CCDC6: variants seen among roughly 807,000 people sequenced by gnomAD.
CCDC6 encodes the protein coiled-coil domain-containing protein 6.
CCDC6 carries 20 observed loss-of-function variants against 56.6 expected under a neutral mutation model. The observed-to-expected ratio is 0.35, with a 90% CI of 0.25 to 0.51. The LOEUF is 0.51. Ranked by LOEUF, CCDC6 falls within the 20% of genes least tolerant of loss-of-function variation. CCDC6 has a pLI of 0.95. For synonymous variants in CCDC6, 241 were observed against 234.4 expected (o/e 1.03, Z -0.26); for missense variants, 367 against 601.1 (o/e 0.61, Z 4.07).
chr10:59,813,549 A>T (rs989225806), intron 4 of CCDC6, among the ~76,000 whole-genome samples: 5 of 152,284 alleles, frequency 3.3e-5, no homozygotes, highest in African/African-American at 9.6e-5. Context: ...TTGGCAGCAG[A>T]TCTCTAAATC....
intron 1 of CCDC6, among the ~76,000 whole-genome samples, chr10:59,853,024 A>G (rs1253844738): frequency 6.6e-6 from 1 of 151,944 alleles, no homozygotes; most frequent in Non-Finnish European, 1.5e-5. Flanking sequence ...CAGAATACAG[A>G]AAGATCCTTC....
At chr10:59,905,438 C>A (rs1433317548) in intron 1 of CCDC6, among the ~76,000 whole-genome samples, 14 of 152,188 alleles carry the variant, frequency 9.2e-5, no homozygotes, top group African/African-American at 3.1e-4. Context: ...CTGGTTTCGG[C>A]CCCAGCCCTG....
chr10:59,848,028 C>A (rs571303052), intron 2 of CCDC6, among the ~76,000 whole-genome samples: 15 of 152,152 alleles, frequency 9.9e-5, no homozygotes, highest in Admixed American at 9.2e-4. Context: ...ATGTGCACAA[C>A]ATGTTAACTA....
intron 7 of CCDC6, among the ~76,000 whole-genome samples, chr10:59,795,696 A>C (rs982650791): frequency 7.3e-6 from 1 of 137,294 alleles, no homozygotes; most frequent in Non-Finnish European, 1.5e-5. Context: ...CTCATTGTTC[A>C]ATTCCCACCT....
intron 3 of CCDC6, among the ~76,000 whole-genome samples, chr10:59,821,803 A>G (rs1250628243): frequency 6.6e-6 from 1 of 152,208 alleles, no homozygotes; most frequent in African/African-American, 2.4e-5. Context: ...AAAAAATCAG[A>G]AAGAACTATA....
intron 7 of CCDC6, among the ~76,000 whole-genome samples, chr10:59,803,154 G>A (rs567125454): frequency 2.7e-4 from 41 of 152,172 alleles, no homozygotes; most frequent in African/African-American, 9.6e-4. Context: ...ACATCTTTTT[G>A]GCAAGAACAA....
chr10:59,806,924 T>C lies in CCDC6; in HGVS notation c.1002A>G (p.Glu334=). 1 of 1,613,630 alleles carries C rather than the reference T, an allele frequency of 6.2e-7. No homozygotes were observed. The highest frequency in any genetic ancestry group is 1.1e-5 in the South Asian group (1 of 91,040). Residue 334 remains glutamate, a splice_region_variant and synonymous_variant, in exon 6 of 9, where the codon GAA becomes GAG. Coordinates refer to ENST00000263102, the MANE Select transcript of CCDC6 (RefSeq NM_005436.5). ...AGGCTCATAAGACATGCACACACCT[T>C]TCGTCGTCCATTTCTAAGCTGGACT... ...ESESSLEMDD[E]RYFNEMSAQG...
chr10:59,790,526 C>A lies in CCDC6; in HGVS notation c.*2391G>T. 1 of 220,376 alleles carries A rather than the reference C, an allele frequency of 4.5e-6. No homozygotes were observed. The highest frequency in any genetic ancestry group is 6.7e-5 in the East Asian group (1 of 14,910). 13.7% of individuals were successfully genotyped at this position (220,376 alleles called of 1,614,324 possible). On this transcript the variant is annotated 3_prime_UTR_variant, in exon 9 of 9. Coordinates refer to ENST00000263102, the MANE Select transcript of CCDC6 (RefSeq NM_005436.5). ...AAGAAATTGTCCTAGCAGGTACTAC[C>A]CAAGTGTTACAGGCTCTGCATAGGT...
chr10:59,857,675 A>T (rs2071091125), intron 1 of CCDC6, among the ~76,000 whole-genome samples: 1 of 148,180 alleles, frequency 6.7e-6, no homozygotes, highest in Admixed American at 6.8e-5. Context: ...ATTTGCACAG[A>T]TTTTTTTTTT....
chr10:59,850,558 A>G (rs2071029900), intron 2 of CCDC6, among the ~76,000 whole-genome samples: 1 of 152,182 alleles, frequency 6.6e-6, no homozygotes, highest in African/African-American at 2.4e-5. Context: ...AACATAAGAC[A>G]TGCCCGCGTG....
chr10:59,801,280 G>A (rs1010334944), intron 7 of CCDC6, among the ~76,000 whole-genome samples: 1 of 152,100 alleles, frequency 6.6e-6, no homozygotes, highest in African/African-American at 2.4e-5. Flanking sequence ...CATCTTCCTT[G>A]TTAAAATTCA....
At chr10:59,887,805 CA>C (rs2071393805) in intron 1 of CCDC6, among the ~76,000 whole-genome samples, 1 of 152,076 alleles carries the variant, frequency 6.6e-6, no homozygotes, top group Non-Finnish European at 1.5e-5. Context: ...GCTGAACTAT[CA>C]GACCCTTTTT....
rs543013978 is a variant in CCDC6 at position 59,881,752 on chromosome 10, G to A, written c.303+24370C>T. ...CAGTTTTTGTTGCCCCAAAACTGAG[G>A]AGCTCTACTTGGTATTAAGACCAAA... On this transcript the variant is annotated intron_variant, in intron 1 of 8. Transcript: ENST00000263102. Among the ~76,000 whole-genome samples, 4 of 152,310 alleles carry A rather than the reference G, an allele frequency of 2.6e-5. No homozygotes were observed. The South Asian group carries it at 8.3e-4, about 32-fold the overall frequency.
chr10:59,803,069 T>C (rs902960907), intron 7 of CCDC6, among the ~76,000 whole-genome samples: 9 of 152,190 alleles, frequency 5.9e-5, no homozygotes, highest in East Asian at 3.9e-4. Context: ...TTTGGGAAAA[T>C]TGAGAGGCAG....
chr10:59,858,837 C>T (rs996143793), intron 1 of CCDC6, among the ~76,000 whole-genome samples: 3 of 152,160 alleles, frequency 2.0e-5, no homozygotes, highest in Non-Finnish European at 4.4e-5. Flanking sequence ...TTCTTATGGG[C>T]AAGGGACACA....
Position 59,906,483 on chromosome 10 carries a change from C to G in CCDC6, c.-59G>C. On this transcript the variant is annotated 5_prime_UTR_variant, in exon 1 of 9. Transcript: ENST00000263102. Reference sequence around the variant, plus strand: ...GCAGGGAGGCGGCGGCGACGAAGGCCGGGCTGCGAATGAGTGGGCGCCGGG... The same window carrying G: ...GCAGGGAGGCGGCGGCGACGAAGGCGGGGCTGCGAATGAGTGGGCGCCGGG... 7.2e-7 allele frequency: 1 copy of G among 1,393,944 alleles called. No homozygotes were observed. Among genetic ancestry groups the G allele is most frequent in the Non-Finnish European group, 9.3e-7 (1 of 1,074,930 alleles). The allele number at this position is 1,393,944 out of a possible 1,614,324, so 86.3% of individuals were successfully genotyped here.
intron 2 of CCDC6, among the ~76,000 whole-genome samples, chr10:59,846,243 G>T (rs970783375): frequency 3.3e-5 from 5 of 152,204 alleles, no homozygotes; most frequent in African/African-American, 4.8e-5. Context: ...AGTGAAAGAA[G>T]GCAAATGAAG....
intron 2 of CCDC6, among the ~76,000 whole-genome samples, chr10:59,837,377 T>TC (rs1350075520): frequency 6.6e-6 from 1 of 152,200 alleles, no homozygotes; most frequent in African/African-American, 2.4e-5. Context: ...GGGCTTGTTG[T>TC]CAAGTCAGTC....
intron 2 of CCDC6, among the ~76,000 whole-genome samples, chr10:59,842,563 T>C (rs182722590): frequency 9.8e-4 from 149 of 152,330 alleles, no homozygotes; most frequent in African/African-American, 3.4e-3. Flanking sequence ...ATGGTCATGG[T>C]GCATTGTCCT....
Sources: gnomAD v4.1 joint callset for allele counts (sites outside exome capture counted in the v4.1 genomes callset) on GRCh38, gnomAD v4.1.1 for gene constraint, MANE v1.5 for transcripts, NCBI Gene and HGNC (gene_info 2026-07-23, HGNC 2026-07-21) for gene names.